SLC25A42: variants seen among roughly 807,000 people sequenced by gnomAD.
SLC25A42 encodes mitochondrial coenzyme A transporter SLC25A42.
Under a neutral mutation model 34.7 loss-of-function variants are expected in SLC25A42, and 19 were observed. That is an observed-to-expected ratio of 0.55 (90% CI 0.38 to 0.80). SLC25A42 has a LOEUF of 0.80. SLC25A42 is among the 30% of genes least tolerant of loss of function. The probability of loss-of-function intolerance (pLI) is 0.00; values close to 1 mark genes in which losing one functional copy is unlikely to be tolerated. For synonymous variants in SLC25A42, 205 were observed against 191.2 expected, an observed-to-expected ratio of 1.07 and a Z score of -0.59; for missense variants, 364 against 441.3, an observed-to-expected ratio of 0.82 and a Z score of 1.57.
intron 1 of SLC25A42, 109 bp from the exon 2 acceptor site, chr19:19,095,982 C>T: frequency 1.3e-6 from 1 of 746,648 alleles, no homozygotes; most frequent in Non-Finnish European, 2.4e-6. Flanking sequence ...CAGTTGAGGG[C>T]ATCCCTCCCC....
At chr19:19,093,251 A>G (rs1421034744) in intron 1 of SLC25A42, among the ~76,000 whole-genome samples, 1 of 152,140 alleles carries the variant, frequency 6.6e-6, no homozygotes, top group Non-Finnish European at 1.5e-5. Flanking sequence ...CCTGGGCTCA[A>G]GCGATCCTCC....
chr19:19,085,861 G>T (rs530056787), intron 1 of SLC25A42, among the ~76,000 whole-genome samples: 12 of 152,214 alleles, frequency 7.9e-5, no homozygotes, highest in East Asian at 3.9e-4. Context: ...GAGGGGAGGG[G>T]GCCAGCCAGG....
At chr19:19,075,346 C>T (rs560216310) in intron 1 of SLC25A42, among the ~76,000 whole-genome samples, 1 of 152,318 alleles carries the variant, frequency 6.6e-6, no homozygotes, top group South Asian at 2.1e-4. Flanking sequence ...TCCTCCCATA[C>T]CCCGCCGAGC....
At chr19:19,097,789 C>T (rs1218139733) in intron 2 of SLC25A42, among the ~76,000 whole-genome samples, 6 of 152,052 alleles carry the variant, frequency 3.9e-5, no homozygotes, top group Admixed American at 1.3e-4. Flanking sequence ...ATGGTGAAAC[C>T]CCATCTCTAC....
chr19:19,101,335 C>T (rs1408411492), intron 2 of SLC25A42, among the ~76,000 whole-genome samples: 1 of 152,108 alleles, frequency 6.6e-6, no homozygotes, highest in Non-Finnish European at 1.5e-5. Flanking sequence ...TGGGAAGGGA[C>T]ACGCTGACAC....
chr19:19,083,303 AG>A (rs1279673683), intron 1 of SLC25A42, among the ~76,000 whole-genome samples: 1 of 152,214 alleles, frequency 6.6e-6, no homozygotes, highest in African/African-American at 2.4e-5. Context: ...CAGATAATCC[AG>A]GACAGTCTCC....
Position 19,083,631 on chromosome 19 carries a change from C to T in SLC25A42, c.-34-12460C>T, listed in dbSNP as rs867583447. On this transcript the variant is annotated intron_variant, in intron 1 of 7. Coordinates refer to ENST00000318596, the MANE Select transcript of SLC25A42 (RefSeq NM_178526.5). ...GGCCTGAATTGGCAAACCCTCAGCA[C>T]TCACTGCACAGGCACCAGGCCAGGC... 3.2e-4 allele frequency among the ~76,000 whole-genome samples: 48 copies of T among 152,358 alleles called. 1 individual carries two copies. Among genetic ancestry groups the T allele is most frequent in the Middle Eastern group, 3.4e-3 (1 of 294 alleles).
intron 1 of SLC25A42, among the ~76,000 whole-genome samples, chr19:19,087,540 G>A (rs576561007): frequency 2.0e-5 from 3 of 152,122 alleles, no homozygotes; most frequent in Admixed American, 1.3e-4. Flanking sequence ...CACCCACTTC[G>A]GCCTCCCAAA....
chr19:19,094,921 G>A (rs942374448), intron 1 of SLC25A42, among the ~76,000 whole-genome samples: 20 of 152,020 alleles, frequency 1.3e-4, no homozygotes, highest in African/African-American at 4.6e-4. Flanking sequence ...CCAGTCGGAC[G>A]CGGTGGCTCA....
At chr19:19,087,302 G>A (rs1432826101) in intron 1 of SLC25A42, among the ~76,000 whole-genome samples, 1 of 151,778 alleles carries the variant, frequency 6.6e-6, no homozygotes, top group Non-Finnish European at 1.5e-5. Flanking sequence ...TTTGGTGTGT[G>A]TTTGTGACAG....
Position 19,108,064 on chromosome 19 carries a change from A to G in SLC25A42, c.649+19A>G, listed in dbSNP as rs1400956286. 7.2e-6 allele frequency: 11 copies of G among 1,538,422 alleles called. No homozygotes were observed. Among genetic ancestry groups the G allele is most frequent in the Non-Finnish European group, 7.9e-6 (9 of 1,139,688 alleles). ...CACAGAGGTAAGGAGAGCTGGGAGC[A>G]TGAGGAGGGGACGTTCAGGAAGCAT... On this transcript the variant is annotated intron_variant, in intron 7 of 7. Transcript: ENST00000318596.
At position 19,111,195 on chromosome 19, in the gene SLC25A42, C is replaced by G; in HGVS notation, c.*319C>G. 2.4e-6 allele frequency: 1 copy of G among 414,834 alleles called. No individual in the cohort carries two copies. Among genetic ancestry groups the G allele is most frequent in the Non-Finnish European group, 4.4e-6 (1 of 227,872 alleles). 25.7% of individuals were successfully genotyped at this position (414,834 alleles called of 1,614,324 possible). ...GGCGTGGTCAGCTCCACCTCCTGAT[C>G]CTGTGTGTCCTCCGACATGCTGCTG... is the stretch of plus-strand genomic sequence containing the variant. On this transcript the variant is annotated 3_prime_UTR_variant, in exon 8 of 8. Coordinates refer to ENST00000318596, the MANE Select transcript of SLC25A42 (RefSeq NM_178526.5).
intron 1 of SLC25A42, among the ~76,000 whole-genome samples, chr19:19,089,138 G>A (rs1370585015): frequency 1.3e-5 from 2 of 152,328 alleles, no homozygotes; most frequent in African/African-American, 4.8e-5. Flanking sequence ...ATGGGCACCT[G>A]TTCTTTCTGT....
At chr19:19,104,360 A>C (rs2145922373) in intron 3 of SLC25A42, among the ~76,000 whole-genome samples, 1 of 152,312 alleles carries the variant, frequency 6.6e-6, no homozygotes, top group Non-Finnish European at 1.5e-5. Flanking sequence ...GGGCTGCCAG[A>C]CCACGTCAGA....
rs575314192 is a variant in SLC25A42, at chr19:19,087,763, A to C, written c.-34-8328A>C. Among the ~76,000 whole-genome samples, 749 of 152,362 alleles carry C rather than the reference A, an allele frequency of 4.9e-3. 5 individuals are homozygous for C. The highest frequency in any genetic ancestry group is 0.017 in the African/African-American group (712 of 41,592). On this transcript the variant is annotated intron_variant, in intron 1 of 7. Transcript: ENST00000318596. ...CAAAGACCATCCAAATGAGAGCAGC[A>C]CAGGCTGCTTATTCAGAGTTTGCAA...
intron 2 of SLC25A42, among the ~76,000 whole-genome samples, chr19:19,098,774 G>C (rs1318131201): frequency 2.0e-5 from 3 of 152,140 alleles, no homozygotes; most frequent in Non-Finnish European, 4.4e-5. Context: ...ACAAAAATTA[G>C]CCAGGCAGGG....
intron 1 of SLC25A42, among the ~76,000 whole-genome samples, chr19:19,072,470 T>G (rs1292819071): frequency 6.6e-6 from 1 of 151,222 alleles, no homozygotes; most frequent in Non-Finnish European, 1.5e-5. Flanking sequence ...CTCTGCCTCC[T>G]GGGCTCAAGT....
At chr19:19,107,778 C>T (rs1353794136) in intron 6 of SLC25A42, 116 bp from the exon 7 acceptor site, 1 of 966,404 alleles carries the variant, frequency 1.0e-6, no homozygotes, top group East Asian at 2.5e-5. Context: ...AGGAAAACAT[C>T]AACATCCAGA....
In SLC25A42 at chr19:19,108,121, A is replaced by G. The variant is rs111865857; in HGVS notation, c.649+76A>G. The G allele has an allele frequency of 1.8e-5, 27 of 1,494,076 alleles. 1 individual carries two copies. In the African/African-American group the frequency reaches 2.4e-4, roughly 13 times the overall value. The allele number at this position is 1,494,076 out of a possible 1,614,324, so 92.6% of individuals were successfully genotyped here. A position where few individuals can be genotyped will look rare whatever the true frequency, so the allele number is the denominator to read the frequency against. ...GGGACAGCAGCTCCACCTGGGTCACATAGACCTGGAGACCAGGCGGAGTGG... is the reference window on the plus strand; with the variant it reads ...GGGACAGCAGCTCCACCTGGGTCACGTAGACCTGGAGACCAGGCGGAGTGG... On this transcript the variant is annotated intron_variant, in intron 7 of 7. Coordinates refer to ENST00000318596, the MANE Select transcript of SLC25A42 (RefSeq NM_178526.5).
Sources: allele counts gnomAD v4.1 joint callset (sites outside exome capture counted in the v4.1 genomes callset), GRCh38; gene constraint gnomAD v4.1.1; transcripts MANE v1.5; gene names NCBI Gene and HGNC (gene_info 2026-07-23, HGNC 2026-07-21).